Variants in TENM3 observed in about 807,000 individuals in gnomAD.
TENM3 encodes teneurin transmembrane protein 3.
Under a neutral mutation model 255.1 loss-of-function variants are expected in TENM3, and 63 were observed. The observed-to-expected ratio is 0.25, with a 90% CI of 0.20 to 0.30. The LOEUF (loss-of-function observed/expected upper bound fraction) is 0.30, where lower values mean the gene tolerates loss of function less well. Among genes scored for constraint, TENM3 ranks in the 10% least tolerant of loss-of-function variants. The probability of loss-of-function intolerance (pLI) is 1.00; values close to 1 mark genes in which losing one functional copy is unlikely to be tolerated. For missense variants in TENM3, 2,929 were observed against 3,461.1 expected (o/e 0.85, Z 3.86); for synonymous variants, 1,306 against 1,322.3 (o/e 0.99, Z 0.27).
the TENM3 span, among the ~76,000 whole-genome samples, chr4:181,633,812 C>G: frequency 6.6e-6 from 1 of 152,180 alleles, no homozygotes; most frequent in African/African-American, 2.4e-5. Flanking sequence ...GGTTCAGCAG[C>G]GTTTGTTCCC....
At chr4:182,214,264 G>A (rs563105237) in intron 1 of TENM3, among the ~76,000 whole-genome samples, 1 of 152,244 alleles carries the variant, frequency 6.6e-6, no homozygotes, top group East Asian at 1.9e-4. Flanking sequence ...TCTTAAATAT[G>A]TAGCTTACCT....
At chr4:181,469,302 G>GA in the TENM3 span, among the ~76,000 whole-genome samples, 16 of 152,060 alleles carry the variant, frequency 1.1e-4, no homozygotes, top group East Asian at 2.9e-3. Context: ...ACATATGAAA[G>GA]AAAAAATATA....
At chr4:182,237,632 C>T (rs1200503379) in intron 1 of TENM3, among the ~76,000 whole-genome samples, 2 of 152,062 alleles carry the variant, frequency 1.3e-5, no homozygotes, top group South Asian at 2.1e-4. Context: ...AAAATTCATT[C>T]GGAATTCTGG....
intron 3 of TENM3, among the ~76,000 whole-genome samples, chr4:182,354,291 T>C (rs904812076): frequency 2.0e-5 from 3 of 152,240 alleles, no homozygotes; most frequent in Admixed American, 6.5e-5. Flanking sequence ...ATGCTATGAA[T>C]GTACCAAAAC....
chr4:182,555,134 A>G lies in TENM3; in HGVS notation c.512-45790A>G, dbSNP rs73006905. ...GTATATTTAGGAAAGTAAGGACATAATTAACATAAAAACCATTCTAATAGA... is the reference window on the plus strand; with the variant it reads ...GTATATTTAGGAAAGTAAGGACATAGTTAACATAAAAACCATTCTAATAGA... On this transcript the variant is annotated intron_variant, in intron 3 of 27. Coordinates refer to ENST00000511685, the MANE Select transcript of TENM3 (RefSeq NM_001080477.4). 9.3e-3 allele frequency among the ~76,000 whole-genome samples: 1,413 copies of G among 152,326 alleles called. 21 individuals are homozygous for G. The highest frequency in any genetic ancestry group is 0.032 in the African/African-American group (1,321 of 41,570).
intron 1 of TENM3, among the ~76,000 whole-genome samples, chr4:182,167,013 A>G (rs963647158): frequency 2.0e-5 from 3 of 152,216 alleles, no homozygotes; most frequent in African/African-American, 4.8e-5. Context: ...TGGGCTACCT[A>G]TAAGATAGAG....
the TENM3 span, among the ~76,000 whole-genome samples, chr4:181,558,730 G>A: frequency 3.3e-5 from 5 of 152,150 alleles, no homozygotes; most frequent in African/African-American, 1.2e-4. Context: ...GCATAGAAGA[G>A]CAAAGCTATA....
chr4:182,132,044 A>T, the TENM3 span, among the ~76,000 whole-genome samples: 1 of 152,080 alleles, frequency 6.6e-6, no homozygotes, highest in African/African-American at 2.4e-5. Flanking sequence ...TTTTTACTTT[A>T]TCCTGAATAG....
chr4:182,695,344 G>T (rs1172281557), intron 12 of TENM3, among the ~76,000 whole-genome samples: 1 of 151,806 alleles, frequency 6.6e-6, no homozygotes, highest in Non-Finnish European at 1.5e-5. Context: ...ACACCCATGG[G>T]TTCAGGTGTC....
intron 6 of TENM3, among the ~76,000 whole-genome samples, chr4:182,661,849 A>G (rs1350182539): frequency 6.6e-6 from 1 of 152,224 alleles, no homozygotes. Flanking sequence ...AGACTTTGAC[A>G]GTGAATTTCT....
At chr4:182,525,755 A>T (rs1739096663) in intron 3 of TENM3, among the ~76,000 whole-genome samples, 1 of 152,194 alleles carries the variant, frequency 6.6e-6, no homozygotes, top group Admixed American at 6.5e-5. Flanking sequence ...TTGTCAGTTA[A>T]CAGCATTGTT....
chr4:181,495,189 C>T, the TENM3 span, among the ~76,000 whole-genome samples: 1 of 152,058 alleles, frequency 6.6e-6, no homozygotes. Flanking sequence ...AGTGGAAGAA[C>T]CACTTTCCTT....
At chr4:182,486,995 C>G (rs1400609597) in intron 3 of TENM3, among the ~76,000 whole-genome samples, 1 of 152,168 alleles carries the variant, frequency 6.6e-6, no homozygotes, top group Non-Finnish European at 1.5e-5. Flanking sequence ...CTTTTCTCTT[C>G]CTCTATGTGA....
chr4:182,245,225 G>A (rs1757563037), intron 1 of TENM3, among the ~76,000 whole-genome samples: 1 of 152,170 alleles, frequency 6.6e-6, no homozygotes, highest in Non-Finnish European at 1.5e-5. Context: ...ACTGTGTCAG[G>A]GAACAAGACA....
At chr4:181,670,430 T>C in the TENM3 span, among the ~76,000 whole-genome samples, 1 of 152,182 alleles carries the variant, frequency 6.6e-6, no homozygotes, top group Non-Finnish European at 1.5e-5. Flanking sequence ...TACAGCACAA[T>C]TTAAGAACCA....
intron 22 of TENM3, among the ~76,000 whole-genome samples, chr4:182,764,366 G>A (rs1046740416): frequency 2.0e-5 from 3 of 152,206 alleles, no homozygotes; most frequent in African/African-American, 7.2e-5. Flanking sequence ...CACATTCCCT[G>A]CTCTCAAGGA....
the TENM3 span, among the ~76,000 whole-genome samples, chr4:181,779,002 A>C: frequency 6.6e-6 from 1 of 152,134 alleles, no homozygotes; most frequent in Non-Finnish European, 1.5e-5. Flanking sequence ...ATTTGAAAAA[A>C]GTCATTAACC....
intron 3 of TENM3, among the ~76,000 whole-genome samples, chr4:182,430,138 A>G (rs546481611): frequency 6.6e-6 from 1 of 152,154 alleles, no homozygotes. Flanking sequence ...CAGGTGGAAA[A>G]AACATTTGAT....
chr4:181,988,625 T>G, the TENM3 span, among the ~76,000 whole-genome samples: 1 of 152,124 alleles, frequency 6.6e-6, no homozygotes, highest in Non-Finnish European at 1.5e-5. Flanking sequence ...AATTATTCAC[T>G]TAAATTTCAC....
Sources: allele counts gnomAD v4.1 joint callset (sites outside exome capture counted in the v4.1 genomes callset), GRCh38; gene constraint gnomAD v4.1.1; transcripts MANE v1.5; gene names NCBI Gene and HGNC (gene_info 2026-07-23, HGNC 2026-07-21).